The following COG6 variants were observed in gnomAD, a reference collection of about 807,000 sequenced individuals.
COG6 encodes conserved oligomeric Golgi complex subunit 6.
In COG6, 74 loss-of-function variants were observed where a neutral mutation model predicts 88.8. The observed-to-expected ratio is 0.83, with a 90% CI of 0.69 to 1.01. The LOEUF (loss-of-function observed/expected upper bound fraction) is 1.01, where lower values mean the gene tolerates loss of function less well. COG6 is among the 50% of genes least tolerant of loss of function. COG6 has a pLI of 0.00. For synonymous variants in COG6, 286 were observed against 278.7 expected (o/e 1.03, Z -0.26); for missense variants, 800 against 797.9 (o/e 1.00, Z -0.03).
intron 8 of COG6, among the ~76,000 whole-genome samples, chr13:39,686,647 A>C (rs1018641596): frequency 1.3e-5 from 2 of 152,188 alleles, no homozygotes; most frequent in Non-Finnish European, 2.9e-5. Context: ...TTTTGGAGCA[A>C]ATTTTGGTGA....
intron 18 of COG6, among the ~76,000 whole-genome samples, chr13:39,788,012 CTA>C (rs1343090814): frequency 1.3e-5 from 2 of 152,150 alleles, no homozygotes; most frequent in Non-Finnish European, 2.9e-5. Flanking sequence ...CAGAAGGCAA[CTA>C]TGCTTCCTTG....
chr13:39,739,088 C>T (rs540493407), intron 18 of COG6, among the ~76,000 whole-genome samples: 4 of 151,756 alleles, frequency 2.6e-5, no homozygotes, highest in Admixed American at 6.6e-5. Flanking sequence ...TTTTTAAGTA[C>T]GGATAAAACA....
chr13:39,684,860 C>T (rs1876547068), intron 8 of COG6, among the ~76,000 whole-genome samples: 2 of 152,126 alleles, frequency 1.3e-5, no homozygotes, highest in Admixed American at 6.5e-5. Flanking sequence ...AGTTGCCATA[C>T]TCAGTGTTTC....
At chr13:39,683,745 AT>A (rs942275703) in intron 8 of COG6, among the ~76,000 whole-genome samples, 1 of 72,636 alleles carries the variant, frequency 1.4e-5, no homozygotes, top group African/African-American at 3.9e-5. Context: ...TCTTTTATGT[AT>A]TAAAAAAAAA....
chr13:39,670,156 A>G (rs1466891256), intron 4 of COG6, among the ~76,000 whole-genome samples: 1 of 152,162 alleles, frequency 6.6e-6, no homozygotes, highest in East Asian at 1.9e-4. Flanking sequence ...ATAAAGCTTA[A>G]TGTAGAATTT....
chr13:39,694,679 T>G lies in COG6; in HGVS notation c.1120T>G (p.Leu374Val). 6.2e-7 allele frequency: 1 copy of G among 1,601,780 alleles called. No individual in the cohort carries two copies. Among genetic ancestry groups the G allele is most frequent in the Non-Finnish European group, 8.5e-7 (1 of 1,171,086 alleles). Residue 374 changes from leucine to valine, a missense_variant, in exon 12 of 19, where the codon TTA (leucine) becomes GTA (valine). By Grantham distance (32) the Leu-to-Val change is conservative. Coordinates refer to ENST00000455146, the MANE Select transcript of COG6 (RefSeq NM_020751.3). ...AGTTGCTGAACCTGGGGCAGTTTTA[T>G]TATATAAAATTTCTAATCTCCTCAA... ...VIVAEPGAVL[L>V]YKISNLLKFY...
At chr13:39,656,983 T>C (rs1364274284) in intron 1 of COG6, 1 of 428,532 alleles carries the variant, frequency 2.3e-6, no homozygotes, top group African/African-American at 2.1e-5. Context: ...GTGTCTCATA[T>C]TGATATTTAT....
At chr13:39,750,796 A>C (rs112921846) in intron 18 of COG6, 150 bp from the exon 19 acceptor site, 218 of 626,264 alleles carry the variant, frequency 3.5e-4, no homozygotes, top group African/African-American at 3.2e-3. Context: ...ATTAGGATTA[A>C]CTGTGTAGCC....
chr13:39,750,820 T>G (rs943275575), intron 18 of COG6, 126 bp from the exon 19 acceptor site: 7 of 712,374 alleles, frequency 9.8e-6, no homozygotes, highest in Non-Finnish European at 1.7e-5. Context: ...TAGTGATTAT[T>G]AAATAGTGTA....
At chr13:39,681,424 A>T (rs757165223) in intron 7 of COG6, among the ~76,000 whole-genome samples, 1 of 152,112 alleles carries the variant, frequency 6.6e-6, no homozygotes, top group Non-Finnish European at 1.5e-5. Flanking sequence ...CATTGACTCA[A>T]ATTTTTTTGT....
intron 3 of COG6, chr13:39,663,910 A>G (rs1231463184): frequency 6.6e-6 from 1 of 151,196 alleles, no homozygotes; most frequent in Non-Finnish European, 1.5e-5. Flanking sequence ...AAAAAAAGAT[A>G]AGGGATATGC....
chr13:39,701,826 A>G lies in COG6; in HGVS notation c.1284+2208A>G, dbSNP rs549045365. 3.3e-5 allele frequency among the ~76,000 whole-genome samples: 5 copies of G among 152,104 alleles called. No individual in the cohort carries two copies. In the South Asian group the frequency reaches 8.3e-4, roughly 25 times the overall value. On this transcript the variant is annotated intron_variant, in intron 13 of 18. Transcript: ENST00000455146. ...ACATATGGGCCTCAAGACTGAAAAT[A>G]GATGCATTAGGCGTTTGTATTAAAA...
At chr13:39,720,328 T>C (rs1231164243) in intron 15 of COG6, among the ~76,000 whole-genome samples, 1 of 152,080 alleles carries the variant, frequency 6.6e-6, no homozygotes, top group East Asian at 1.9e-4. Flanking sequence ...ATAAAGCAAA[T>C]GGTTATCACT....
intron 11 of COG6, among the ~76,000 whole-genome samples, chr13:39,691,976 T>TAAAG (rs111838220): frequency 0.73 from 109,943 of 151,250 alleles, 40,167 homozygotes; most frequent in Admixed American, 0.82. Flanking sequence ...TTTAGAAACA[T>TAAAG]AAAAGGTTAT....
At chr13:39,757,901 A>G (rs894154695) in intron 18 of COG6, among the ~76,000 whole-genome samples, 4 of 152,136 alleles carry the variant, frequency 2.6e-5, no homozygotes, top group African/African-American at 9.7e-5. Context: ...TGTGTATCCA[A>G]AATAAACTCT....
intron 17 of COG6, among the ~76,000 whole-genome samples, chr13:39,726,051 G>A (rs2138089807): frequency 6.6e-6 from 1 of 151,994 alleles, no homozygotes; most frequent in Non-Finnish European, 1.5e-5. Flanking sequence ...AACAATTAAG[G>A]TGAATATGAA....
intron 7 of COG6, among the ~76,000 whole-genome samples, chr13:39,680,409 A>AGTT (rs1396018439): frequency 6.6e-6 from 1 of 152,238 alleles, no homozygotes; most frequent in Non-Finnish European, 1.5e-5. Context: ...TGTTGTTTAC[A>AGTT]TAACTGTAAA....
At chr13:39,656,260 C>T in intron 1 of COG6, 1 of 464,014 alleles carries the variant, frequency 2.2e-6, no homozygotes, top group Non-Finnish European at 4.3e-6. Context: ...TGCAAAAGAG[C>T]AGATTCCAAG....
intron 13 of COG6, among the ~76,000 whole-genome samples, chr13:39,718,045 G>A (rs900044710): frequency 2.0e-5 from 3 of 151,978 alleles, no homozygotes; most frequent in Admixed American, 6.6e-5. Context: ...GTCTTTGAAC[G>A]TATCTAAAAT....
Sources: gnomAD v4.1 joint callset for allele counts (sites outside exome capture counted in the v4.1 genomes callset) on GRCh38, gnomAD v4.1.1 for gene constraint, MANE v1.5 for transcripts, NCBI Gene and HGNC (gene_info 2026-07-23, HGNC 2026-07-21) for gene names.